Variants in EFR3A observed in about 807,000 individuals in gnomAD.
EFR3A encodes protein EFR3 homolog A.
EFR3A carries 76 observed loss-of-function variants against 104.4 expected under a neutral mutation model. That is an observed-to-expected ratio of 0.73 (90% confidence interval 0.60 to 0.88). EFR3A has a LOEUF of 0.88. EFR3A is among the 40% of genes least tolerant of loss of function. The probability of loss-of-function intolerance (pLI) is 0.00; values close to 1 mark genes in which losing one functional copy is unlikely to be tolerated. For synonymous variants in EFR3A, 330 were observed against 330.0 expected (o/e 1.00, Z 0.00); for missense variants, 985 against 1,012.5 (o/e 0.97, Z 0.37).
At chr8:131,951,491 A>G (rs892986029) in intron 5 of EFR3A, among the ~76,000 whole-genome samples, 3 of 152,114 alleles carry the variant, frequency 2.0e-5, no homozygotes, top group African/African-American at 7.2e-5. Flanking sequence ...TAAGTTTTTA[A>G]TGGGGCAAAA....
chr8:131,910,618 A>G (rs1035418722), intron 1 of EFR3A, among the ~76,000 whole-genome samples: 3 of 152,192 alleles, frequency 2.0e-5, no homozygotes, highest in South Asian at 2.1e-4. Context: ...TCACTACTCC[A>G]TGCACTTTCC....
chr8:131,996,804 T>C (rs952672996), intron 19 of EFR3A, among the ~76,000 whole-genome samples: 4 of 152,120 alleles, frequency 2.6e-5, no homozygotes. Flanking sequence ...TAAGAAACTT[T>C]ATACAAAGCC....
chr8:131,989,940 A>G (rs1320321500), intron 18 of EFR3A, among the ~76,000 whole-genome samples: 2 of 152,224 alleles, frequency 1.3e-5, no homozygotes, highest in African/African-American at 2.4e-5. Context: ...TAGAATTCGA[A>G]TGAATAGTGT....
chr8:131,965,925 A>G (rs1404749284), intron 8 of EFR3A, among the ~76,000 whole-genome samples: 1 of 152,090 alleles, frequency 6.6e-6, no homozygotes, highest in African/African-American at 2.4e-5. Flanking sequence ...CATGGATGAA[A>G]TTGGAAACCA....
At chr8:131,961,685 T>C (rs1278908994) in intron 8 of EFR3A, among the ~76,000 whole-genome samples, 10 of 152,130 alleles carry the variant, frequency 6.6e-5, no homozygotes, top group Non-Finnish European at 1.5e-4. Context: ...CAGGCCAGCA[T>C]TCAGATTCAG....
chr8:131,979,147 G>A, intron 13 of EFR3A, 128 bp downstream of exon 13: 1 of 1,113,920 alleles, frequency 9.0e-7, no homozygotes, highest in Non-Finnish European at 1.3e-6. Context: ...TTATTTAATT[G>A]GTATTGAGAT....
At chr8:131,905,039 A>G (rs989507026) in intron 1 of EFR3A, among the ~76,000 whole-genome samples, 1 of 152,222 alleles carries the variant, frequency 6.6e-6, no homozygotes, top group Non-Finnish European at 1.5e-5. Flanking sequence ...GAGGATTTTT[A>G]GACAGACGCG....
At chr8:131,980,495 G>A (rs1382320614) in intron 14 of EFR3A, among the ~76,000 whole-genome samples, 1 of 151,752 alleles carries the variant, frequency 6.6e-6, no homozygotes, top group East Asian at 1.9e-4. Flanking sequence ...AATGAATTCT[G>A]CATAACTGAG....
At chr8:131,978,823 G>T in intron 12 of EFR3A, 24 bp from the exon 13 acceptor site, 1 of 1,478,470 alleles carries the variant, frequency 6.8e-7, no homozygotes, top group Non-Finnish European at 9.0e-7. Context: ...ACAAAAGGTT[G>T]TTTGTTTTCT....
intron 7 of EFR3A, among the ~76,000 whole-genome samples, chr8:131,959,335 A>T (rs1160314052): frequency 1.3e-5 from 2 of 152,262 alleles, no homozygotes; most frequent in Non-Finnish European, 2.9e-5. Context: ...TCACAACATT[A>T]AAAAAATGGA....
chr8:131,958,616 T>G (rs1032362116), intron 7 of EFR3A, among the ~76,000 whole-genome samples: 5 of 152,016 alleles, frequency 3.3e-5, no homozygotes, highest in Non-Finnish European at 7.4e-5. Context: ...ATTTCCATTT[T>G]TAATGACCCA....
intron 18 of EFR3A, among the ~76,000 whole-genome samples, chr8:131,995,653 C>T (rs35046168): frequency 0.022 from 3,275 of 152,198 alleles, 107 homozygotes; most frequent in South Asian, 0.13. Flanking sequence ...TATTTAAAAG[C>T]GCTGTCAGAA....
intron 17 of EFR3A, 120 bp from the exon 18 acceptor site, chr8:131,987,455 A>G (rs371500899): frequency 8.9e-7 from 1 of 1,124,118 alleles, no homozygotes; most frequent in Admixed American, 3.2e-5. Flanking sequence ...CTGCTACTAC[A>G]GTTTACATTG....
intron 1 of EFR3A, among the ~76,000 whole-genome samples, chr8:131,939,511 G>A (rs1818063960): frequency 6.6e-6 from 1 of 152,144 alleles, no homozygotes; most frequent in South Asian, 2.1e-4. Context: ...GTTAATGTAA[G>A]TGAAACTTAA....
intron 1 of EFR3A, among the ~76,000 whole-genome samples, chr8:131,928,805 G>A (rs17560697): frequency 8.7e-5 from 11 of 126,390 alleles, no homozygotes; most frequent in Non-Finnish European, 1.8e-4. Flanking sequence ...TTACTGGAGC[G>A]TTTTTTTAAA....
chr8:131,934,728 A>T (rs1817791105), intron 1 of EFR3A, among the ~76,000 whole-genome samples: 1 of 151,760 alleles, frequency 6.6e-6, no homozygotes, highest in Non-Finnish European at 1.5e-5. Flanking sequence ...TGAGTAATTA[A>T]TTTTTTTCTG....
rs946732712 is a variant in EFR3A, at chr8:132,012,475, C to T, written c.*1580C>T. The T allele has an allele frequency of 6.6e-6, 1 of 152,536 alleles. No homozygotes were observed. The highest frequency in any genetic ancestry group is 2.4e-5 in the African/African-American group (1 of 41,458). The allele number at this position is 152,536 out of a possible 1,614,324, so 9.4% of individuals were successfully genotyped here. ...ATCAGCAAGACTTGTTTCAGAGTGA[C>T]AGTGGAGTCGTTACCGCTGGAGGAC... is the stretch of plus-strand genomic sequence containing the variant. On this transcript the variant is annotated 3_prime_UTR_variant, in exon 23 of 23. Coordinates refer to ENST00000254624, the MANE Select transcript of EFR3A (RefSeq NM_015137.6).
chr8:131,910,899 C>G (rs903079950), intron 1 of EFR3A, among the ~76,000 whole-genome samples: 23 of 152,092 alleles, frequency 1.5e-4, no homozygotes, highest in Non-Finnish European at 2.8e-4. Flanking sequence ...CCCAGACAGT[C>G]TCAGAAATAA....
intron 10 of EFR3A, among the ~76,000 whole-genome samples, chr8:131,975,762 G>A (rs1176391539): frequency 1.3e-5 from 2 of 151,562 alleles, no homozygotes; most frequent in South Asian, 2.1e-4. Flanking sequence ...AGTCAGTCCC[G>A]GTTTGTCACT....
Sources: allele counts gnomAD v4.1 joint callset (sites outside exome capture counted in the v4.1 genomes callset), GRCh38; gene constraint gnomAD v4.1.1; transcripts MANE v1.5; gene names NCBI Gene and HGNC (gene_info 2026-07-23, HGNC 2026-07-21).